The following WNT7A variants were observed in gnomAD, a reference collection of about 807,000 sequenced individuals.
The protein encoded by WNT7A is Wnt family member 7A.
In WNT7A, 16 loss-of-function variants were observed where a neutral mutation model predicts 28.2. The ratio of observed to expected loss-of-function variants is 0.57; its 90% confidence interval spans 0.38 to 0.86. The LOEUF (loss-of-function observed/expected upper bound fraction) is 0.86. Among genes scored for constraint, WNT7A ranks in the 40% least tolerant of loss-of-function variants. The probability of loss-of-function intolerance (pLI) is 0.00; values close to 1 mark genes in which losing one functional copy is unlikely to be tolerated. For missense variants in WNT7A, 411 were observed against 489.7 expected (o/e 0.84, Z 1.52); for synonymous variants, 190 against 195.9 (o/e 0.97, Z 0.25).
At position 13,821,512 on chromosome 3, in the gene WNT7A, G is replaced by A. The variant is rs372015447; in HGVS notation, c.571-2089C>T. ...AATGTTCATAATCGCTCTGACCTGGGCACCATCCAGATGACCATCCATAGT... is the reference window on the plus strand; with the variant it reads ...AATGTTCATAATCGCTCTGACCTGGACACCATCCAGATGACCATCCATAGT... On this transcript the variant is annotated intron_variant, in intron 3 of 3. Transcript: ENST00000285018. 9.2e-5 allele frequency among the ~76,000 whole-genome samples: 14 copies of A among 152,272 alleles called. 1 individual carries two copies. The highest frequency in any genetic ancestry group is 8.3e-4 in the South Asian group (4 of 4,820).
At chr3:13,862,060 C>T (rs766345571) in intron 2 of WNT7A, among the ~76,000 whole-genome samples, 5 of 152,202 alleles carry the variant, frequency 3.3e-5, no homozygotes, top group Non-Finnish European at 7.3e-5. Flanking sequence ...CTGGGGGAGC[C>T]CCAAGCAAGG....
chr3:13,879,679 C>G, intron 1 of WNT7A, 67 bp downstream of exon 1: 1 of 1,557,308 alleles, frequency 6.4e-7, no homozygotes, highest in Non-Finnish European at 8.8e-7. Context: ...GCAGGCGGCA[C>G]ACCTCCCTCC....
At chr3:13,863,418 A>ATGTGTGTGTGTG (rs75347198) in intron 2 of WNT7A, among the ~76,000 whole-genome samples, 1 of 644 alleles carries the variant, frequency 1.6e-3, no homozygotes, top group African/African-American at 0.011. Flanking sequence ...GTGTATGTGT[A>ATGTGTGTGTGTG]TATGTGTGTG....
intron 2 of WNT7A, among the ~76,000 whole-genome samples, chr3:13,858,489 C>CAAA (rs1694782841): frequency 6.6e-6 from 1 of 152,168 alleles, no homozygotes; most frequent in Non-Finnish European, 1.5e-5. Flanking sequence ...GACAGCTAAC[C>CAAA]ACAGATGGCT....
intron 3 of WNT7A, among the ~76,000 whole-genome samples, chr3:13,833,118 C>T (rs1234884720): frequency 2.6e-5 from 4 of 152,062 alleles, no homozygotes; most frequent in Non-Finnish European, 5.9e-5. Flanking sequence ...CACATCCCAC[C>T]ATGTGCTCAC....
In WNT7A at chr3:13,875,164, G is replaced by A. The variant is rs74784274; in HGVS notation, c.81C>T (p.Ser27=). The change falls in exon 2 of 4, where the codon TCC becomes TCT. Residue 27 remains serine, a synonymous_variant. Coordinates refer to ENST00000285018, the MANE Select transcript of WNT7A (RefSeq NM_004625.4). The stretch of plus-strand genomic sequence containing the variant: ...TGCTTGCGCCCAGAGCTACCACTGA[G>A]GAGAAGCCACTGGAGGGAGAGACAC... The part of the protein sequence containing the change: ...GMVYLRIGGF[S]SVVALGASII... 2.0e-3 allele frequency: 3,199 copies of A among 1,614,062 alleles called. 5 individuals are homozygous for A. Among genetic ancestry groups the A allele is most frequent in the Non-Finnish European group, 2.6e-3 (3,055 of 1,180,022 alleles).
At chr3:13,837,728 C>G (rs532322404) in intron 3 of WNT7A, among the ~76,000 whole-genome samples, 1 of 152,156 alleles carries the variant, frequency 6.6e-6, no homozygotes, top group Non-Finnish European at 1.5e-5. Flanking sequence ...GAGGAAGGAC[C>G]CAGGAGCCGG....
chr3:13,862,998 C>T (rs1396944455), intron 2 of WNT7A, among the ~76,000 whole-genome samples: 1 of 152,164 alleles, frequency 6.6e-6, no homozygotes, highest in Non-Finnish European at 1.5e-5. Flanking sequence ...TTCCTGACAG[C>T]GGGACCTTGA....
rs769450282 is a variant in WNT7A, at chr3:13,875,124, T to C, written c.121A>G (p.Ile41Val). Residue 41 changes from isoleucine to valine, a missense_variant, in exon 2 of 4, where the codon ATC becomes GTC. Transcript: ENST00000285018. Reference protein sequence around the residue: ...ALGASIICNKIPGLAPRQRAI... With the variant: ...ALGASIICNKVPGLAPRQRAI... ...CGCTGTCTGGGAGCCAGGCCTGGGA[T>C]CTTGTTACAGATGATGCTTGCGCCC... is the stretch of plus-strand genomic sequence containing the variant. The C allele has an allele frequency of 1.2e-6, 2 of 1,613,986 alleles. No individual in the cohort carries two copies. The highest frequency in any genetic ancestry group is 1.7e-6 in the Non-Finnish European group (2 of 1,180,018).
intron 2 of WNT7A, among the ~76,000 whole-genome samples, chr3:13,861,172 C>A (rs1478604797): frequency 1.3e-5 from 2 of 152,236 alleles, no homozygotes; most frequent in Non-Finnish European, 2.9e-5. Context: ...TTGCCCAGAT[C>A]ATCCATGTGG....
At chr3:13,878,202 C>A (rs1695141659) in intron 1 of WNT7A, among the ~76,000 whole-genome samples, 1 of 152,086 alleles carries the variant, frequency 6.6e-6, no homozygotes, top group Non-Finnish European at 1.5e-5. Context: ...GGGCGGCCCG[C>A]GGGCGGGCGG....
chr3:13,873,975 C>A (rs2124878836), intron 2 of WNT7A, among the ~76,000 whole-genome samples: 1 of 152,276 alleles, frequency 6.6e-6, no homozygotes, highest in South Asian at 2.1e-4. Context: ...AGCGCAGTGA[C>A]ATGATCTGAT....
At chr3:13,824,800 G>A (rs369744662) in intron 3 of WNT7A, among the ~76,000 whole-genome samples, 9 of 152,278 alleles carry the variant, frequency 5.9e-5, no homozygotes, top group East Asian at 5.8e-4. Context: ...TGTACCCTGC[G>A]GGGAGGCTTG....
chr3:13,872,555 G>A (rs1303483924), intron 2 of WNT7A, among the ~76,000 whole-genome samples: 6 of 151,994 alleles, frequency 3.9e-5, no homozygotes, highest in African/African-American at 9.7e-5. Context: ...GCCCTGCATC[G>A]CTGTCCCAAG....
At chr3:13,878,318 GC>G (rs1350352389) in intron 1 of WNT7A, among the ~76,000 whole-genome samples, 8 of 152,180 alleles carry the variant, frequency 5.3e-5, no homozygotes, top group African/African-American at 1.9e-4. Flanking sequence ...GCCGCACGCG[GC>G]CCGAGTCAAT....
chr3:13,833,480 C>A (rs1171434247), intron 3 of WNT7A, among the ~76,000 whole-genome samples: 1 of 152,244 alleles, frequency 6.6e-6, no homozygotes, highest in Non-Finnish European at 1.5e-5. Context: ...AGCTTTGCTC[C>A]CCTGTAAACT....
intron 2 of WNT7A, among the ~76,000 whole-genome samples, chr3:13,869,281 G>A (rs916303149): frequency 1.4e-5 from 2 of 140,982 alleles, no homozygotes; most frequent in African/African-American, 2.7e-5. Context: ...AAGAAAGGAC[G>A]AGAGAAAGAA....
At chr3:13,864,075 G>T (rs1694873664) in intron 2 of WNT7A, among the ~76,000 whole-genome samples, 1 of 152,136 alleles carries the variant, frequency 6.6e-6, no homozygotes, top group South Asian at 2.1e-4. Flanking sequence ...AATTCCGGCA[G>T]GGGGGTACCA....
At chr3:13,843,001 G>T (rs1256166485) in intron 3 of WNT7A, among the ~76,000 whole-genome samples, 2 of 152,196 alleles carry the variant, frequency 1.3e-5, no homozygotes, top group African/African-American at 4.8e-5. Flanking sequence ...AGACCTAGGT[G>T]GACATCACCT....
Sources: gnomAD v4.1 joint callset for allele counts (sites outside exome capture counted in the v4.1 genomes callset) on GRCh38, gnomAD v4.1.1 for gene constraint, MANE v1.5 for transcripts, NCBI Gene and HGNC (gene_info 2026-07-23, HGNC 2026-07-21) for gene names.